Variants in LSAMP observed in about 807,000 individuals in gnomAD.
LSAMP encodes limbic system-associated membrane protein.
A neutral mutation model predicts 38.6 loss-of-function variants in LSAMP; 7 were observed. That is an observed-to-expected ratio of 0.18 (90% CI 0.10 to 0.34). LSAMP has a LOEUF of 0.34. Among genes scored for constraint, LSAMP ranks in the 10% least tolerant of loss-of-function variants. The probability of loss-of-function intolerance (pLI) is 1.00; values close to 1 mark genes in which losing one functional copy is unlikely to be tolerated. For synonymous variants in LSAMP, 154 were observed against 166.8 expected, an observed-to-expected ratio of 0.92 and a Z score of 0.59; for missense variants, 313 against 420.0, an observed-to-expected ratio of 0.75 and a Z score of 2.23.
intron 1 of LSAMP, among the ~76,000 whole-genome samples, chr3:116,112,352 A>T (rs1484251560): frequency 6.6e-6 from 1 of 152,204 alleles, no homozygotes; most frequent in Non-Finnish European, 1.5e-5. Flanking sequence ...AGAGAACAGA[A>T]TTCAGCCTGG....
At chr3:116,433,846 C>A (rs1182767437) in intron 1 of LSAMP, among the ~76,000 whole-genome samples, 2 of 152,116 alleles carry the variant, frequency 1.3e-5, no homozygotes, top group Admixed American at 1.3e-4. Context: ...TCACAGATAT[C>A]TCACTTCAGG....
intron 1 of LSAMP, among the ~76,000 whole-genome samples, chr3:116,167,001 C>A (rs930960841): frequency 2.0e-5 from 3 of 151,998 alleles, no homozygotes; most frequent in Admixed American, 6.6e-5. Flanking sequence ...CCGTGTTAGC[C>A]AGGATGGTCT....
intron 4 of LSAMP, among the ~76,000 whole-genome samples, chr3:115,845,387 A>T (rs9865664): frequency 6.6e-6 from 1 of 152,082 alleles, no homozygotes; most frequent in Non-Finnish European, 1.5e-5. Flanking sequence ...GAGTTTCTGG[A>T]GCCACATGGT....
chr3:116,090,419 G>A (rs915245230), intron 1 of LSAMP, among the ~76,000 whole-genome samples: 2 of 152,116 alleles, frequency 1.3e-5, no homozygotes, highest in African/African-American at 4.8e-5. Flanking sequence ...AGCATCATGG[G>A]CTTGCATCTC....
At chr3:115,861,752 G>A (rs1325825236) in intron 3 of LSAMP, among the ~76,000 whole-genome samples, 1 of 152,174 alleles carries the variant, frequency 6.6e-6, no homozygotes, top group East Asian at 1.9e-4. Context: ...TTGGTATTAG[G>A]TTTTCCTGGG....
intron 1 of LSAMP, among the ~76,000 whole-genome samples, chr3:116,197,163 A>ACACACACACACACTCTCT (rs1268040540): frequency 3.6e-5 from 5 of 139,208 alleles, no homozygotes; most frequent in African/African-American, 1.3e-4. Context: ...ACACACACAC[A>ACACACACACACACTCTCT]CTCTCTCTCT....
chr3:115,987,532 C>G (rs1939545619), intron 3 of LSAMP, among the ~76,000 whole-genome samples: 7 of 152,182 alleles, frequency 4.6e-5, no homozygotes, highest in Admixed American at 4.6e-4. Context: ...TAATTTAGAT[C>G]CCTTTCCCTT....
chr3:116,094,860 A>G (rs1198927356), intron 1 of LSAMP, among the ~76,000 whole-genome samples: 1 of 152,224 alleles, frequency 6.6e-6, no homozygotes, highest in Non-Finnish European at 1.5e-5. Context: ...GGGGCTAACG[A>G]TACCTGTTCA....
chr3:116,182,622 G>T (rs566176371), intron 1 of LSAMP, among the ~76,000 whole-genome samples: 1 of 151,756 alleles, frequency 6.6e-6, no homozygotes, highest in Admixed American at 6.6e-5. Context: ...ACTGTCTAGA[G>T]AAAATCTTTC....
chr3:116,019,163 G>A (rs538536399), intron 3 of LSAMP, among the ~76,000 whole-genome samples: 1 of 134,412 alleles, frequency 7.4e-6, no homozygotes, highest in Admixed American at 7.6e-5. Context: ...TGGGTGGGGG[G>A]GGGGGGGCTG....
At chr3:116,138,925 A>C (rs542840977) in intron 1 of LSAMP, among the ~76,000 whole-genome samples, 4 of 151,824 alleles carry the variant, frequency 2.6e-5, no homozygotes, top group African/African-American at 9.7e-5. Context: ...TTCAGTAAGA[A>C]TCCACCAGAG....
At chr3:115,939,848 T>C (rs1389571273) in intron 3 of LSAMP, among the ~76,000 whole-genome samples, 4 of 152,114 alleles carry the variant, frequency 2.6e-5, no homozygotes, top group African/African-American at 9.7e-5. Context: ...CCCTATGTTT[T>C]CTTCTAGGAG....
intron 1 of LSAMP, among the ~76,000 whole-genome samples, chr3:116,163,585 T>C (rs1228250088): frequency 6.6e-6 from 1 of 152,104 alleles, no homozygotes; most frequent in African/African-American, 2.4e-5. Context: ...CTTTGGGGTA[T>C]ATACCCAGTA....
chr3:115,837,273 T>A (rs1456913109), intron 6 of LSAMP, among the ~76,000 whole-genome samples: 1 of 149,646 alleles, frequency 6.7e-6, no homozygotes, highest in Non-Finnish European at 1.5e-5. Flanking sequence ...TACACACGGA[T>A]GCAGCAAAGC....
chr3:116,245,704 T>A (rs1223520359), intron 1 of LSAMP, among the ~76,000 whole-genome samples: 1 of 152,200 alleles, frequency 6.6e-6, no homozygotes, highest in Non-Finnish European at 1.5e-5. Context: ...AGTAAGTTAG[T>A]TCATTAAACA....
intron 2 of LSAMP, among the ~76,000 whole-genome samples, chr3:116,064,226 T>C (rs915225080): frequency 2.0e-5 from 3 of 152,188 alleles, no homozygotes; most frequent in Non-Finnish European, 4.4e-5. Context: ...TTTTCTTCTC[T>C]ATGGAAAGTC....
intron 1 of LSAMP, among the ~76,000 whole-genome samples, chr3:116,179,506 G>A (rs1710433704): frequency 6.6e-6 from 1 of 152,118 alleles, no homozygotes; most frequent in Non-Finnish European, 1.5e-5. Flanking sequence ...ATAAAGAGAA[G>A]AGGTTTACTT....
chr3:115,883,791 A>G (rs1439701327), intron 3 of LSAMP, among the ~76,000 whole-genome samples: 1 of 152,074 alleles, frequency 6.6e-6, no homozygotes, highest in Non-Finnish European at 1.5e-5. Context: ...CTTACAAAAG[A>G]AGAATGAATC....
At chr3:115,999,998 G>C (rs1939943421) in intron 3 of LSAMP, among the ~76,000 whole-genome samples, 1 of 152,186 alleles carries the variant, frequency 6.6e-6, no homozygotes, top group South Asian at 2.1e-4. Flanking sequence ...TGTGGTGTGT[G>C]TGTTTGTGTG....
Sources: allele counts gnomAD v4.1 joint callset (sites outside exome capture counted in the v4.1 genomes callset), GRCh38; gene constraint gnomAD v4.1.1; transcripts MANE v1.5; gene names NCBI Gene and HGNC (gene_info 2026-07-23, HGNC 2026-07-21).